Variants in PRKDC observed in about 807,000 individuals in gnomAD.
PRKDC encodes the protein DNA-dependent protein kinase catalytic subunit.
PRKDC carries 82 observed loss-of-function variants against 486.9 expected under a neutral mutation model. The ratio of observed to expected loss-of-function variants is 0.17; its 90% CI spans 0.14 to 0.20. The LOEUF (loss-of-function observed/expected upper bound fraction) is 0.20, where lower values mean the gene tolerates loss of function less well. Among genes scored for constraint, PRKDC ranks in the 10% least tolerant of loss-of-function variants. PRKDC has a pLI of 1.00. For missense variants in PRKDC, 4,504 were observed against 5,038.2 expected (o/e 0.89, Z 3.21); for synonymous variants, 1,895 against 1,837.0 (o/e 1.03, Z -0.81).
chr8:47,858,918 C>T lies in PRKDC; in HGVS notation c.6276G>A (p.Glu2092=). The T allele has an allele frequency of 6.2e-7, 1 of 1,613,814 alleles. No homozygotes were observed. Among genetic ancestry groups the T allele is most frequent in the Non-Finnish European group, 8.5e-7 (1 of 1,179,880 alleles). Residue 2092 remains glutamate (E), a synonymous_variant, in exon 47 of 86, where the codon GAG becomes GAA. Coordinates refer to ENST00000314191, the MANE Select transcript of PRKDC (RefSeq NM_006904.7). Reference sequence around the variant, plus strand: ...CCAGGGCCGTCAGGGGCGCCATGCACTCATGCCGATTGAGCTCGTCCATCT... The same window carrying T: ...CCAGGGCCGTCAGGGGCGCCATGCATTCATGCCGATTGAGCTCGTCCATCT... ...ELEMDELNRH[E]CMAPLTALVK... is the part of the protein sequence containing the mutation.
chr8:47,854,253 C>T, intron 50 of PRKDC, 39 bp from the exon 51 acceptor site: 1 of 1,600,070 alleles, frequency 6.2e-7, no homozygotes, highest in Non-Finnish European at 8.6e-7. Flanking sequence ...GAGACTGTTG[C>T]ATAATCAAGT....
At chr8:47,777,062 T>C (rs753367281) in intron 84 of PRKDC, 79 bp from the exon 85 acceptor site, 8 of 1,501,616 alleles carry the variant, frequency 5.3e-6, no homozygotes, top group Non-Finnish European at 7.1e-6. Flanking sequence ...AATCTAGTAA[T>C]GATCTTAAAG....
In PRKDC at chr8:47,852,736, T is replaced by C. The variant is rs1220336502; in HGVS notation, c.6942A>G (p.Glu2314=). 1.9e-6 allele frequency: 3 copies of C among 1,580,640 alleles called. No individual in the cohort carries two copies. The highest frequency in any genetic ancestry group is 2.6e-6 in the Non-Finnish European group (3 of 1,161,596). Residue 2314 remains glutamate, a synonymous_variant, in exon 52 of 86, where the codon GAA becomes GAG. Coordinates refer to ENST00000314191, the MANE Select transcript of PRKDC (RefSeq NM_006904.7). ...VNNMSFVRYK[E]VYAAAAEVLG... ...GAACTTCTGCTGCAGCGGCATACAC[T>C]TCTTTATATCTTACAAAGGACATAT...
At position 47,957,387 on chromosome 8, in the gene PRKDC, C is replaced by A; in HGVS notation, c.199G>T (p.Val67Leu). ...CTGTTGAGTGACTTCCGGACAAATA[C>A]AAGCAAACCGAAATCTCTGGAAAAA... Reference protein sequence around the residue: ...LVFSRDFGLLVFVRKSLNSIE... With the variant: ...LVFSRDFGLLLFVRKSLNSIE... The change falls in exon 2 of 86, where the codon GTA becomes TTA. Residue 67 changes from valine to leucine, a missense_variant. Around this residue, in one of 6 missense-constraint regions of PRKDC, gnomAD observed 145 missense variants for 136.3 expected, o/e 1.06. Coordinates refer to ENST00000314191, the MANE Select transcript of PRKDC (RefSeq NM_006904.7). The A allele has an allele frequency of 1.3e-6, 2 of 1,597,346 alleles. No homozygotes were observed. The highest frequency in any genetic ancestry group is 1.1e-5 in the South Asian group (1 of 88,516).
At chr8:47,907,808 T>A (rs549140018) in intron 25 of PRKDC, among the ~76,000 whole-genome samples, 1 of 152,156 alleles carries the variant, frequency 6.6e-6, no homozygotes, top group East Asian at 1.9e-4. Flanking sequence ...TATATACACG[T>A]GTAAAAATAA....
intron 74 of PRKDC, among the ~76,000 whole-genome samples, chr8:47,791,670 C>G (rs924765053): frequency 6.6e-6 from 1 of 152,036 alleles, no homozygotes; most frequent in African/African-American, 2.4e-5. Context: ...CAAATCAAAA[C>G]CACAACGAGG....
chr8:47,909,711 T>C (rs1301593107), intron 25 of PRKDC, among the ~76,000 whole-genome samples: 2 of 152,158 alleles, frequency 1.3e-5, no homozygotes, highest in African/African-American at 2.4e-5. Flanking sequence ...AAGGAATGCA[T>C]TCCTAGGGGT....
intron 36 of PRKDC, among the ~76,000 whole-genome samples, chr8:47,883,352 A>G (rs778616226): frequency 6.6e-6 from 1 of 152,246 alleles, no homozygotes; most frequent in Non-Finnish European, 1.5e-5. Context: ...CTTTTATTGT[A>G]GTGAAACCCC....
rs765661795 is a variant in PRKDC, at chr8:47,882,096, A to G, written c.4778T>C (p.Val1593Ala). The change falls in exon 37 of 86, where the codon GTG (valine) becomes GCG (alanine). Residue 1593 changes from valine to alanine, a missense_variant and splice_region_variant. This residue lies in a region of PRKDC where 1,969 missense variants were observed against 2,068.9 expected (regional missense o/e 0.95). Coordinates refer to ENST00000314191, the MANE Select transcript of PRKDC (RefSeq NM_006904.7). The stretch of plus-strand genomic sequence containing the variant: ...TAACATGCCGTTCAAAACGGCACTC[A>G]CCTGAGACAATTTCGTTGTGAGTGA... ...MQSSVDNTKM[V>A]SAVLNGMLDQ... The G allele has an allele frequency of 3.8e-6, 6 of 1,599,036 alleles. No homozygotes were observed. Among genetic ancestry groups the G allele is most frequent in the Non-Finnish European group, 5.1e-6 (6 of 1,173,886 alleles).
chr8:47,778,245 C>T (rs867884701), intron 83 of PRKDC, among the ~76,000 whole-genome samples: 3 of 152,126 alleles, frequency 2.0e-5, no homozygotes, highest in Non-Finnish European at 4.4e-5. Context: ...ATTTAATTAC[C>T]GGCTCTGATG....
At chr8:47,793,549 G>A (rs1026871137) in intron 74 of PRKDC, among the ~76,000 whole-genome samples, 3 of 151,708 alleles carry the variant, frequency 2.0e-5, no homozygotes, top group Admixed American at 6.6e-5. Context: ...CTGAGGCAGG[G>A]AGAACTGCTT....
chr8:47,895,684 G>C (rs2089562328), intron 30 of PRKDC, among the ~76,000 whole-genome samples: 1 of 152,070 alleles, frequency 6.6e-6, no homozygotes, highest in Non-Finnish European at 1.5e-5. Context: ...AATTTCACAA[G>C]GTTGCTGTGA....
rs778629040 is a variant in PRKDC, at chr8:47,887,733, T to C, written c.4414-28A>G. ...AAAAGGAAGCCAACACTGAAATGCCTAGCAAAAAGATATTTCTTAGAAAAA... is the reference window on the plus strand; with the variant it reads ...AAAAGGAAGCCAACACTGAAATGCCCAGCAAAAAGATATTTCTTAGAAAAA... On this transcript the variant is annotated intron_variant, in intron 34 of 85. Coordinates refer to ENST00000314191, the MANE Select transcript of PRKDC (RefSeq NM_006904.7). 3.2e-6 allele frequency: 5 copies of C among 1,568,220 alleles called. No individual in the cohort carries two copies. In the South Asian group the frequency reaches 4.8e-5, roughly 15 times the overall value.
chr8:47,857,081 G>C (rs1589746213), intron 49 of PRKDC, 75 bp downstream of exon 49: 3 of 1,443,448 alleles, frequency 2.1e-6, no homozygotes, highest in Non-Finnish European at 9.2e-7. Context: ...AGAGGGACCT[G>C]AATTATGTGT....
intron 74 of PRKDC, among the ~76,000 whole-genome samples, chr8:47,793,683 T>TAAAAAAAAA (rs397892514): frequency 2.7e-3 from 198 of 72,712 alleles, no homozygotes; most frequent in Middle Eastern, 6.7e-3. Flanking sequence ...TTAAAAAAAC[T>TAAAAAAAAA]AAAAAAAAAA....
intron 38 of PRKDC, among the ~76,000 whole-genome samples, chr8:47,880,006 T>C (rs1288947353): frequency 6.6e-6 from 1 of 152,026 alleles, no homozygotes; most frequent in Admixed American, 6.6e-5. Context: ...CCACTATGCC[T>C]GGCTAATTCT....
In PRKDC at chr8:47,786,957, G is replaced by C. The variant is rs372515616; in HGVS notation, c.10903-1640C>G. Among the ~76,000 whole-genome samples, 602 of 151,866 alleles carry C rather than the reference G, an allele frequency of 4.0e-3. 4 individuals are homozygous for C. The highest frequency in any genetic ancestry group is 0.024 in the South Asian group (117 of 4,794). On this transcript the variant is annotated intron_variant, in intron 76 of 85. Transcript: ENST00000314191. ...TTGGCCAGACTGGTCTCGAACTCCTGACCCAGTGATCCGCCCGCCTCGCGC... is the reference window on the plus strand; with the variant it reads ...TTGGCCAGACTGGTCTCGAACTCCTCACCCAGTGATCCGCCCGCCTCGCGC...
At chr8:47,798,213 G>A (rs749878445) in intron 73 of PRKDC, 24 bp downstream of exon 73, 28 of 1,600,222 alleles carry the variant, frequency 1.7e-5, no homozygotes, top group East Asian at 2.2e-5. Context: ...GTTCCTTACC[G>A]CCAAGTAGAA....
In PRKDC at chr8:47,935,876, G is replaced by A. The variant is rs2090342059; in HGVS notation, c.1303C>T (p.Leu435=). The change falls in exon 13 of 86, where the codon CTG becomes TTG. Residue 435 remains leucine, a synonymous_variant. Transcript: ENST00000314191. ...DTVPEVYTPV[L]EHLVVMQIDS... The stretch of plus-strand genomic sequence containing the variant: ...ATCTGCATCACCACGAGGTGCTCCA[G>A]AACTGGAGTATACACCTCAGGAACC... 1 of 1,613,782 alleles carries A rather than the reference G, an allele frequency of 6.2e-7. No individual in the cohort carries two copies. Among genetic ancestry groups the A allele is most frequent in the Non-Finnish European group, 8.5e-7 (1 of 1,179,864 alleles).
Sources: gnomAD v4.1 joint callset for allele counts (sites outside exome capture counted in the v4.1 genomes callset) on GRCh38, gnomAD v4.1.1 for gene constraint, gnomAD v4.1.1 regional missense constraint, MANE v1.5 for transcripts, NCBI Gene and HGNC (gene_info 2026-07-23, HGNC 2026-07-21) for gene names.